Variants in MSRB3 observed in about 807,000 individuals in gnomAD.
MSRB3 encodes the protein methionine sulfoxide reductase B3.
Under a neutral mutation model 21.0 loss-of-function variants are expected in MSRB3, and 13 were observed. That is an observed-to-expected ratio of 0.62 (90% CI 0.40 to 0.98). The LOEUF (loss-of-function observed/expected upper bound fraction) is 0.98. MSRB3 is among the 50% of genes least tolerant of loss of function. The pLI, the probability that MSRB3 is intolerant of heterozygous loss-of-function variation, is 0.00. For synonymous variants in MSRB3, 87 were observed against 88.6 expected (o/e 0.98, Z 0.10); for missense variants, 199 against 230.3 (o/e 0.86, Z 0.88).
chr12:65,365,280 C>T (rs1877944573), intron 4 of MSRB3, among the ~76,000 whole-genome samples: 2 of 152,212 alleles, frequency 1.3e-5, no homozygotes, highest in African/African-American at 4.8e-5. Context: ...CACTCAGCTT[C>T]GTGTCAATGC....
chr12:65,437,754 A>G (rs1882186511), intron 5 of MSRB3, among the ~76,000 whole-genome samples: 1 of 151,986 alleles, frequency 6.6e-6, no homozygotes, highest in Admixed American at 6.6e-5. Flanking sequence ...GATCTAAGCC[A>G]ATCATAAAAT....
intron 5 of MSRB3, among the ~76,000 whole-genome samples, chr12:65,417,146 T>C (rs1881023250): frequency 6.6e-6 from 1 of 152,200 alleles, no homozygotes; most frequent in South Asian, 2.1e-4. Flanking sequence ...TCATGGTTTA[T>C]TTATTTTTAT....
intron 4 of MSRB3, among the ~76,000 whole-genome samples, chr12:65,352,568 T>C (rs1000316244): frequency 5.3e-5 from 8 of 151,910 alleles, no homozygotes; most frequent in African/African-American, 1.9e-4. Context: ...GAAAACCCCA[T>C]TGTCTCAGCC....
At chr12:65,308,919 G>A (rs900319934) in intron 2 of MSRB3, 14 of 529,598 alleles carry the variant, frequency 2.6e-5, no homozygotes, top group Non-Finnish European at 4.4e-5. Context: ...GTTCTTTAAT[G>A]CACACTACAC....
chr12:65,340,881 G>A (rs113796418), intron 4 of MSRB3, among the ~76,000 whole-genome samples: 117 of 151,972 alleles, frequency 7.7e-4, no homozygotes, highest in Admixed American at 1.6e-3. Flanking sequence ...TTTGACTCAG[G>A]AAGAGTTACA....
intron 4 of MSRB3, among the ~76,000 whole-genome samples, chr12:65,358,534 C>A (rs1047931378): frequency 2.0e-5 from 3 of 151,882 alleles, no homozygotes; most frequent in African/African-American, 7.3e-5. Flanking sequence ...GTATTCCCAT[C>A]AATGTGGGGT....
At position 65,360,169 on chromosome 12, in the gene MSRB3, C is replaced by G. The variant is rs115298861; in HGVS notation, c.264-8829C>G. The stretch of plus-strand genomic sequence containing the variant: ...GGATGACATTTTAACTTGATTAACT[C>G]TTTAAAAATGTTTTTTCCAAATACA... On this transcript the variant is annotated intron_variant, in intron 4 of 6. Coordinates refer to ENST00000308259, the MANE Select transcript of MSRB3 (RefSeq NM_001031679.3). Among the ~76,000 whole-genome samples, 1,288 of 152,148 alleles carry G rather than the reference C, an allele frequency of 8.5e-3. 17 individuals are homozygous for G. The highest frequency in any genetic ancestry group is 0.03 in the African/African-American group (1,247 of 41,518).
At chr12:65,385,725 GCTTA>G (rs1462610399) in intron 5 of MSRB3, among the ~76,000 whole-genome samples, 2 of 151,778 alleles carry the variant, frequency 1.3e-5, no homozygotes, top group Admixed American at 1.3e-4. Flanking sequence ...GCTTACATTT[GCTTA>G]CTTATATTTA....
intron 4 of MSRB3, among the ~76,000 whole-genome samples, chr12:65,339,403 A>T (rs1053364528): frequency 6.6e-6 from 1 of 152,238 alleles, no homozygotes; most frequent in Non-Finnish European, 1.5e-5. Context: ...CAGAATGGTA[A>T]ATCTAGCTCT....
At chr12:65,435,554 T>C (rs1035931938) in intron 5 of MSRB3, among the ~76,000 whole-genome samples, 1 of 151,944 alleles carries the variant, frequency 6.6e-6, no homozygotes, top group African/African-American at 2.4e-5. Context: ...CAAAGAGTAG[T>C]ACATCAAGTT....
At position 65,308,554 on chromosome 12, in the gene MSRB3, G is replaced by A. The variant is rs773522857; in HGVS notation, c.-26G>A. On this transcript the variant is annotated 5_prime_UTR_variant, in exon 2 of 7. Coordinates refer to ENST00000308259, the MANE Select transcript of MSRB3 (RefSeq NM_001031679.3). ...CTCTTGCCCCTGTTCTTTGCTTCTC[G>A]TTTTGTTGGTGAAGATATCACAGTG... 26 of 1,613,490 alleles carry A rather than the reference G, an allele frequency of 1.6e-5. No homozygotes were observed. The highest frequency in any genetic ancestry group is 2.7e-5 in the African/African-American group (2 of 74,798).
At chr12:65,401,973 A>G (rs1880151842) in intron 5 of MSRB3, among the ~76,000 whole-genome samples, 1 of 152,148 alleles carries the variant, frequency 6.6e-6, no homozygotes, top group Non-Finnish European at 1.5e-5. Context: ...TTTCTGCAGA[A>G]AGATCTGCTG....
intron 1 of MSRB3, among the ~76,000 whole-genome samples, chr12:65,299,194 TAA>T (rs1296705166): frequency 6.6e-6 from 1 of 152,232 alleles, no homozygotes; most frequent in African/African-American, 2.4e-5. Context: ...CAGTTTCAGA[TAA>T]TAACCAGTTA....
intron 5 of MSRB3, among the ~76,000 whole-genome samples, chr12:65,447,173 G>A (rs1207094681): frequency 6.6e-6 from 1 of 152,128 alleles, no homozygotes. Context: ...TTTATATTCA[G>A]AGGAAAGGCT....
intron 5 of MSRB3, among the ~76,000 whole-genome samples, chr12:65,400,768 A>G (rs1284599591): frequency 6.6e-6 from 1 of 152,160 alleles, no homozygotes; most frequent in African/African-American, 2.4e-5. Context: ...ATTTCCGTCT[A>G]AACACTGCTT....
intron 4 of MSRB3, among the ~76,000 whole-genome samples, chr12:65,334,913 T>C (rs185132454): frequency 6.6e-6 from 1 of 152,350 alleles, no homozygotes; most frequent in East Asian, 1.9e-4. Flanking sequence ...TCACTAATCT[T>C]TTCTTTAAAA....
At chr12:65,286,981 A>G (rs1397573670) in intron 1 of MSRB3, among the ~76,000 whole-genome samples, 1 of 131,482 alleles carries the variant, frequency 7.6e-6, no homozygotes, top group Non-Finnish European at 1.6e-5. Flanking sequence ...TGATTGCACC[A>G]CTGTACTCCA....
intron 1 of MSRB3, among the ~76,000 whole-genome samples, chr12:65,287,569 A>T (rs1031945923): frequency 6.6e-6 from 1 of 152,200 alleles, no homozygotes; most frequent in South Asian, 2.1e-4. Flanking sequence ...GTAAGGTCAT[A>T]TCTTCCTGTA....
chr12:65,412,702 T>C (rs1037905170), intron 5 of MSRB3, among the ~76,000 whole-genome samples: 3 of 152,138 alleles, frequency 2.0e-5, no homozygotes, highest in African/African-American at 7.2e-5. Flanking sequence ...GCAGTCTCTA[T>C]GGTAAGTTGT....
Sources: allele counts gnomAD v4.1 joint callset (sites outside exome capture counted in the v4.1 genomes callset), GRCh38; gene constraint gnomAD v4.1.1; transcripts MANE v1.5; gene names NCBI Gene and HGNC (gene_info 2026-07-23, HGNC 2026-07-21).